The following NLRP14 variants were observed in gnomAD, a reference collection of about 807,000 sequenced individuals.
NLRP14 encodes the protein NACHT, LRR and PYD domains-containing protein 14.
In NLRP14, 105 loss-of-function variants were observed where a neutral mutation model predicts 94.7. The observed-to-expected ratio is 1.11, with a 90% CI of 0.95 to 1.30. NLRP14 has a LOEUF of 1.30. Among genes scored for constraint, NLRP14 ranks in the 50% most tolerant of loss-of-function variants. The pLI, the probability that NLRP14 is intolerant of heterozygous loss-of-function variation, is 0.00. For synonymous variants in NLRP14, 508 were observed against 459.9 expected, an observed-to-expected ratio of 1.10 and a Z score of -1.34; for missense variants, 1,362 against 1,254.1, an observed-to-expected ratio of 1.09 and a Z score of -1.30.
chr11:7,045,167 G>A (rs1035844934), intron 4 of NLRP14, among the ~76,000 whole-genome samples: 3 of 152,184 alleles, frequency 2.0e-5, no homozygotes, highest in African/African-American at 7.2e-5. Flanking sequence ...AACTGTGGGA[G>A]TAGAAATTGT....
intron 10 of NLRP14, among the ~76,000 whole-genome samples, chr11:7,067,270 T>C (rs371528841): frequency 2.8e-4 from 42 of 152,324 alleles, no homozygotes; most frequent in African/African-American, 1.0e-3. Flanking sequence ...GGGATAGCAT[T>C]GAACCTATAA....
downstream of NLRP14, among the ~76,000 whole-genome samples, chr11:7,072,406 CAGA>C (rs1852814332): frequency 6.6e-6 from 1 of 152,154 alleles, no homozygotes; most frequent in East Asian, 1.9e-4. Flanking sequence ...AACTGAGAGG[CAGA>C]AGTAGGTTTA....
At chr11:7,025,135 A>G (rs1038143274) in intron 1 of NLRP14, among the ~76,000 whole-genome samples, 6 of 152,224 alleles carry the variant, frequency 3.9e-5, no homozygotes, top group Non-Finnish European at 7.3e-5. Context: ...AAGACACACT[A>G]GACATAAAAA....
intron 3 of NLRP14, among the ~76,000 whole-genome samples, chr11:7,040,985 A>G (rs1209490884): frequency 6.6e-6 from 1 of 152,198 alleles, no homozygotes; most frequent in Non-Finnish European, 1.5e-5. Flanking sequence ...TATTATTTGA[A>G]AATTGTGATA....
chr11:7,067,457 T>C (rs992571319), intron 10 of NLRP14, among the ~76,000 whole-genome samples: 3 of 152,206 alleles, frequency 2.0e-5, no homozygotes, highest in Non-Finnish European at 4.4e-5. Flanking sequence ...TTATTCTCTT[T>C]GTAGCAATTG....
At position 7,071,189 on chromosome 11, in the gene NLRP14, T is replaced by G; in HGVS notation, c.3163T>G (p.Phe1055Val). 2 of 1,613,952 alleles carry G rather than the reference T, an allele frequency of 1.2e-6. No homozygotes were observed. Among genetic ancestry groups the G allele is most frequent in the Non-Finnish European group, 1.7e-6 (2 of 1,179,968 alleles). The part of the protein sequence containing the change: ...LQVLGLCKEA[F>V]DEEAQKLLEA... Reference sequence around the variant, plus strand: ...TTTTCTCAGGTTGTGCAAAGAGGCATTTGATGAGGAAGCCCAGAAGCTGCT... The same window carrying G: ...TTTTCTCAGGTTGTGCAAAGAGGCAGTTGATGAGGAAGCCCAGAAGCTGCT... The change falls in exon 12 of 12, where the codon TTT becomes GTT. Residue 1055 changes from phenylalanine (F) to valine (V), a missense_variant. Transcript: ENST00000299481.
intron 10 of NLRP14, among the ~76,000 whole-genome samples, chr11:7,070,018 A>G (rs1852767501): frequency 6.6e-6 from 1 of 152,192 alleles, no homozygotes; most frequent in African/African-American, 2.4e-5. Flanking sequence ...CAACTGCTTC[A>G]TAGTATTTTG....
chr11:7,071,596 G>T (rs1208261108), downstream of NLRP14, among the ~76,000 whole-genome samples: 1 of 49,962 alleles, frequency 2.0e-5, no homozygotes, highest in African/African-American at 5.6e-5. Flanking sequence ...TGAGGCTGGA[G>T]GATGCAGACA....
downstream of NLRP14, among the ~76,000 whole-genome samples, chr11:7,075,615 C>A (rs1852866055): frequency 6.6e-6 from 1 of 152,128 alleles, no homozygotes; most frequent in Non-Finnish European, 1.5e-5. Context: ...ATTATGTGTT[C>A]ATTTTACTTA....
intron 10 of NLRP14, among the ~76,000 whole-genome samples, 166 bp downstream of exon 10, chr11:7,062,669 T>C (rs561396674): frequency 8.5e-5 from 13 of 152,196 alleles, no homozygotes; most frequent in Non-Finnish European, 1.6e-4. Flanking sequence ...ATGTACTGCA[T>C]GTTCTTTAGT....
chr11:7,089,074 G>T, the NLRP14 span: 11 of 1,588,692 alleles, frequency 6.9e-6, no homozygotes, highest in Non-Finnish European at 9.4e-6. Context: ...GACTGGCGCC[G>T]CCTCACCGCC....
intron 6 of NLRP14, among the ~76,000 whole-genome samples, chr11:7,056,244 A>G (rs1017163209): frequency 6.6e-6 from 1 of 151,984 alleles, no homozygotes; most frequent in Non-Finnish European, 1.5e-5. Flanking sequence ...CAAGAGTGAC[A>G]CAAAGCAAGA....
chr11:7,047,098 A>G (rs974730842), intron 5 of NLRP14, among the ~76,000 whole-genome samples: 1 of 152,196 alleles, frequency 6.6e-6, no homozygotes, highest in African/African-American at 2.4e-5. Flanking sequence ...GAGCTAAAAC[A>G]TTCTAGGCAG....
the NLRP14 span, chr11:7,090,239 CA>C: frequency 6.2e-7 from 1 of 1,610,596 alleles, no homozygotes. Flanking sequence ...GCAGGGTGCC[CA>C]GGGGCGGAGG....
At chr11:7,082,351 A>G in the NLRP14 span, among the ~76,000 whole-genome samples, 1 of 152,332 alleles carries the variant, frequency 6.6e-6, no homozygotes, top group South Asian at 2.1e-4. Context: ...AGATGTAACT[A>G]AAAAATAAAG....
intron 9 of NLRP14, among the ~76,000 whole-genome samples, chr11:7,060,805 C>T (rs1485649259): frequency 3.3e-5 from 5 of 151,958 alleles, no homozygotes; most frequent in African/African-American, 1.2e-4. Context: ...TTTGGGGTTT[C>T]CTTTTCACTT....
the NLRP14 span, among the ~76,000 whole-genome samples, chr11:7,082,558 T>G: frequency 0.031 from 4,716 of 152,318 alleles, 136 homozygotes; most frequent in East Asian, 0.13. Flanking sequence ...GAGATATAAC[T>G]GAGTAAAAGA....
chr11:7,058,070 T>G (rs1014540431), intron 7 of NLRP14, among the ~76,000 whole-genome samples: 1 of 151,952 alleles, frequency 6.6e-6, no homozygotes, highest in Non-Finnish European at 1.5e-5. Flanking sequence ...ATTTTCATTC[T>G]TTTCCAAGCT....
Position 7,070,447 on chromosome 11 carries a change from A to T in NLRP14, c.3137A>T (p.Gln1046Leu). 1.2e-6 allele frequency: 2 copies of T among 1,610,450 alleles called. No individual in the cohort carries two copies. The highest frequency in any genetic ancestry group is 1.7e-6 in the Non-Finnish European group (2 of 1,177,100). The change falls in exon 11 of 12, where the codon CAA becomes CTA. Residue 1046 changes from glutamine (Q) to leucine (L), a missense_variant. By Grantham distance (113) the Gln-to-Leu change is moderately radical (BLOSUM62 -2). Transcript: ENST00000299481. ...TTGAAGTCTCCTAAGTGTAAACTACAAGTTCTAGGGTAAGTCTCCATTGGC... is the reference window on the plus strand; with the variant it reads ...TTGAAGTCTCCTAAGTGTAAACTACTAGTTCTAGGGTAAGTCTCCATTGGC... ...KVLKSPKCKL[Q>L]VLGLCKEAFD...
Sources: allele counts gnomAD v4.1 joint callset (sites outside exome capture counted in the v4.1 genomes callset), GRCh38; gene constraint gnomAD v4.1.1; transcripts MANE v1.5; gene names NCBI Gene and HGNC (gene_info 2026-07-23, HGNC 2026-07-21).